INTS6: variants seen among roughly 807,000 people sequenced by gnomAD.
INTS6 encodes the protein integrator complex subunit 6.
A neutral mutation model predicts 104.9 loss-of-function variants in INTS6; 16 were observed. The observed-to-expected ratio is 0.15, with a 90% CI of 0.10 to 0.23. The LOEUF (loss-of-function observed/expected upper bound fraction) is 0.23. INTS6 is among the 10% of genes least tolerant of loss of function. INTS6 has a pLI of 1.00. For synonymous variants in INTS6, 324 were observed against 358.7 expected (o/e 0.90, Z 1.09); for missense variants, 584 against 1,062.8 (o/e 0.55, Z 6.26).
chr13:51,415,204 T>C (rs540292973), intron 4 of INTS6, among the ~76,000 whole-genome samples: 22 of 152,282 alleles, frequency 1.4e-4, no homozygotes, highest in African/African-American at 5.3e-4. Context: ...AATCTCTCTA[T>C]TTGAAAAATT....
chr13:51,436,607 T>C (rs1203444926), intron 3 of INTS6: 2 of 152,078 alleles, frequency 1.3e-5, no homozygotes, highest in Admixed American at 6.6e-5. Context: ...AGAGTAATAA[T>C]GTAAGAAATC....
chr13:51,419,528 A>C (rs534688491), intron 4 of INTS6, among the ~76,000 whole-genome samples: 1 of 152,256 alleles, frequency 6.6e-6, no homozygotes, highest in Admixed American at 6.5e-5. Context: ...CACAAACTTG[A>C]ATTAACCTTT....
the INTS6 span, among the ~76,000 whole-genome samples, chr13:51,340,101 G>A: frequency 1.3e-5 from 2 of 152,208 alleles, no homozygotes; most frequent in African/African-American, 4.8e-5. Context: ...TTCTACAGGA[G>A]GGTGAGTTGG....
chr13:51,361,077 T>C (rs1403924609), downstream of INTS6, among the ~76,000 whole-genome samples: 1 of 152,034 alleles, frequency 6.6e-6, no homozygotes, highest in Non-Finnish European at 1.5e-5. Context: ...TTTGGTAACA[T>C]ATTGAGTCTT....
chr13:51,368,115 A>T (rs189408717), intron 16 of INTS6, among the ~76,000 whole-genome samples: 59 of 152,252 alleles, frequency 3.9e-4, no homozygotes, highest in African/African-American at 1.4e-3. Flanking sequence ...CTGCTTTGTA[A>T]GTAAAAGTTC....
intron 2 of INTS6, among the ~76,000 whole-genome samples, chr13:51,451,777 T>G (rs1953057483): frequency 6.8e-6 from 1 of 147,086 alleles, no homozygotes; most frequent in South Asian, 2.2e-4. Flanking sequence ...GGGACGGCGG[T>G]GGCCCCGCGA....
intron 15 of INTS6, among the ~76,000 whole-genome samples, chr13:51,373,757 T>C (rs1318922834): frequency 6.6e-6 from 1 of 152,200 alleles, no homozygotes; most frequent in Non-Finnish European, 1.5e-5. Context: ...TTTCGTAACA[T>C]TCAACATACT....
chr13:51,432,512 G>C (rs1342335234), intron 3 of INTS6, among the ~76,000 whole-genome samples: 1 of 150,390 alleles, frequency 6.6e-6, no homozygotes, highest in African/African-American at 2.4e-5. Context: ...GTTTGAACAT[G>C]TTGAAGGCAA....
intron 3 of INTS6, chr13:51,443,995 A>G (rs1566253093): frequency 6.6e-6 from 1 of 152,218 alleles, no homozygotes; most frequent in Non-Finnish European, 1.5e-5. Flanking sequence ...CCAGCTGTAT[A>G]TAATACATAA....
At chr13:51,411,157 G>A (rs1956678554) in intron 4 of INTS6, among the ~76,000 whole-genome samples, 1 of 151,744 alleles carries the variant, frequency 6.6e-6, no homozygotes, top group East Asian at 1.9e-4. Flanking sequence ...AGGTTGTAGT[G>A]AGCCGAGATC....
chr13:51,384,493 G>C (rs1181028046), intron 7 of INTS6: 1 of 386,994 alleles, frequency 2.6e-6, no homozygotes, highest in Non-Finnish European at 5.1e-6. Flanking sequence ...CTTATACCCT[G>C]GTGGTTCACA....
the INTS6 span, chr13:51,347,107 C>T: frequency 3.1e-6 from 5 of 1,611,654 alleles, no homozygotes; most frequent in Non-Finnish European, 4.2e-6. Flanking sequence ...TTGTGAGCAC[C>T]ATGTCCTTCC....
chr13:51,375,475 G>GT (rs1417984478), intron 13 of INTS6, among the ~76,000 whole-genome samples: 2 of 75,258 alleles, frequency 2.7e-5, no homozygotes, highest in African/African-American at 1.6e-4. Context: ...GTACAGTATG[G>GT]TAAAAAAAAA....
At chr13:51,444,724 G>A (rs1459881054) in intron 3 of INTS6, 1 of 151,012 alleles carries the variant, frequency 6.6e-6, no homozygotes, top group African/African-American at 2.4e-5. Context: ...ACTCCAGCCT[G>A]GGCAACAAGA....
chr13:51,364,440 G>T lies in INTS6; in HGVS notation c.*1312C>A, dbSNP rs9316536. Reference sequence around the variant, plus strand: ...CCTAAAAATACTTCAGTTTTTAAATGTTATAAGTTTATTTTGCCTACTCTT... The same window carrying T: ...CCTAAAAATACTTCAGTTTTTAAATTTTATAAGTTTATTTTGCCTACTCTT... On this transcript the variant is annotated 3_prime_UTR_variant, in exon 18 of 18. Transcript: ENST00000311234. The T allele has an allele frequency of 0.16, 79,803 of 492,946 alleles. 7,680 individuals are homozygous for T. Among genetic ancestry groups the T allele is most frequent in the African/African-American group, 0.29 (14,380 of 50,076 alleles). The allele number at this position is 492,946 out of a possible 1,614,324, so 30.5% of individuals were successfully genotyped here.
rs1446462396 is a variant in INTS6 at position 51,387,404 on chromosome 13, A to T, written c.876T>A (p.Asp292Glu). The part of the protein sequence containing the change: ...HWPVPESFWP[D>E]QNSPTLPPRT... ...TACTTACTAGTGTTGGCGAATTTTG[A>T]TCTGGCCAAAAAGACTCTGGAACAG... The change falls in exon 7 of 18, where the codon GAT (aspartate) becomes GAA (glutamate). Residue 292 changes from aspartate (D) to glutamate (E), a missense_variant. Physicochemically the swap from Asp to Glu is conservative, Grantham distance 45. Around this residue, in one of 5 missense-constraint regions of INTS6, gnomAD observed 144 missense variants for 348.7 expected, o/e 0.41. Coordinates refer to ENST00000311234, the MANE Select transcript of INTS6 (RefSeq NM_012141.3). 1 of 1,611,816 alleles carries T rather than the reference A, an allele frequency of 6.2e-7. No homozygotes were observed. The highest frequency in any genetic ancestry group is 8.5e-7 in the Non-Finnish European group (1 of 1,178,764).
At chr13:51,407,671 T>TA (rs533771571) in intron 4 of INTS6, among the ~76,000 whole-genome samples, 2 of 152,112 alleles carry the variant, frequency 1.3e-5, no homozygotes, top group Non-Finnish European at 2.9e-5. Context: ...GGTACTATAA[T>TA]AAAGTATGAT....
At chr13:51,450,482 C>T (rs1953015326) in intron 3 of INTS6, 1 of 985,322 alleles carries the variant, frequency 1.0e-6, no homozygotes, top group Non-Finnish European at 1.2e-6. Context: ...AGAGTTCTTC[C>T]TGCAATAGTT....
At chr13:51,402,488 T>C (rs1956456967) in intron 4 of INTS6, 1 of 152,244 alleles carries the variant, frequency 6.6e-6, no homozygotes, top group African/African-American at 2.4e-5. Context: ...AAAATTATAC[T>C]GGGCAAAGTT....
Sources: allele counts gnomAD v4.1 joint callset (sites outside exome capture counted in the v4.1 genomes callset), GRCh38; gene constraint gnomAD v4.1.1; regional missense constraint gnomAD v4.1.1; transcripts MANE v1.5; gene names NCBI Gene and HGNC (gene_info 2026-07-23, HGNC 2026-07-21).